LRTM3: variants seen among roughly 807,000 people sequenced by gnomAD.
The protein encoded by LRTM3 is leucine-rich repeat transmembrane protein 3.
chr13:102,734,835 C>T, the LRTM3 span: 1 of 1,551,088 alleles, frequency 6.4e-7, no homozygotes, highest in Non-Finnish European at 8.7e-7. Context: ...ACCTTCTCTT[C>T]CTGATGTTTG....
At chr13:102,737,899 A>G in the LRTM3 span, 1 of 1,550,518 alleles carries the variant, frequency 6.4e-7, no homozygotes, top group East Asian at 2.5e-5. Flanking sequence ...ATAGGAACAG[A>G]ACTCTTTCCT....
chr13:102,743,104 G>A, the LRTM3 span: 1 of 1,550,278 alleles, frequency 6.5e-7, no homozygotes, highest in Non-Finnish European at 8.7e-7. Context: ...TGTTTGCCAT[G>A]AAGTTTTCTG....
chr13:102,739,442 C>A, the LRTM3 span: 2 of 1,550,272 alleles, frequency 1.3e-6, no homozygotes, highest in South Asian at 2.4e-5. Flanking sequence ...TGGAAGGCAG[C>A]CCTTTAGAGT....
chr13:102,734,391 G>A, the LRTM3 span: 2 of 1,551,308 alleles, frequency 1.3e-6, no homozygotes, highest in Admixed American at 2.0e-5. Context: ...AGGTTAGATG[G>A]CAAAGGTTTG....
At chr13:102,745,885 T>C in the LRTM3 span, 23 of 1,551,032 alleles carry the variant, frequency 1.5e-5, no homozygotes, top group Non-Finnish European at 1.9e-5. Context: ...GTGTAAAATG[T>C]GTTTGTGGTT....
chr13:102,739,549 T>C, the LRTM3 span: 1 of 1,550,114 alleles, frequency 6.5e-7, no homozygotes, highest in Non-Finnish European at 8.7e-7. Context: ...TCATACTTGA[T>C]TTACCTTTAC....
the LRTM3 span, chr13:102,749,639 C>T: frequency 6.4e-7 from 1 of 1,551,394 alleles, no homozygotes; most frequent in Non-Finnish European, 8.7e-7. Flanking sequence ...TTGTGTGCTG[C>T]TAGAAAATGG....
the LRTM3 span, chr13:102,738,449 A>G: frequency 6.4e-7 from 1 of 1,550,862 alleles, no homozygotes; most frequent in South Asian, 1.2e-5. Context: ...ATTTGTCAGA[A>G]GCACACTTGG....
the LRTM3 span, chr13:102,730,946 G>T: frequency 1.9e-6 from 3 of 1,551,214 alleles, no homozygotes; most frequent in African/African-American, 2.7e-5. Flanking sequence ...GTTAGATAAG[G>T]GTTTCTTTCT....
the LRTM3 span, chr13:102,747,745 CT>C: frequency 5.2e-6 from 8 of 1,550,908 alleles, no homozygotes; most frequent in Non-Finnish European, 7.0e-6. Flanking sequence ...TTTGCTTCAC[CT>C]TCTCAACTTG....
the LRTM3 span, chr13:102,743,900 A>G: frequency 1.3e-6 from 2 of 1,550,714 alleles, no homozygotes; most frequent in African/African-American, 1.4e-5. Context: ...GAAGAAATCT[A>G]AAAGACCCAA....
At chr13:102,735,322 T>C in the LRTM3 span, 253 of 1,551,338 alleles carry the variant, frequency 1.6e-4, 1 homozygote, top group African/African-American at 3.1e-3. Flanking sequence ...CACTTGAAAG[T>C]TCTCCATGGG....
chr13:102,733,202 A>T, the LRTM3 span: 5 of 1,551,288 alleles, frequency 3.2e-6, no homozygotes, highest in South Asian at 4.8e-5. Context: ...TTGCTTTTTC[A>T]TGACAATATC....
At chr13:102,750,000 G>A in the LRTM3 span, 2 of 1,550,132 alleles carry the variant, frequency 1.3e-6, no homozygotes, top group Non-Finnish European at 1.7e-6. Flanking sequence ...AGAGGGCAAG[G>A]TGCCACATCT....
chr13:102,754,357 T>C, the LRTM3 span, among the ~76,000 whole-genome samples: 6 of 152,134 alleles, frequency 3.9e-5, no homozygotes, highest in Admixed American at 1.3e-4. Context: ...ACATATAATT[T>C]ATTTATTATG....
chr13:102,757,405 T>C, the LRTM3 span, among the ~76,000 whole-genome samples: 1 of 152,088 alleles, frequency 6.6e-6, no homozygotes, highest in Non-Finnish European at 1.5e-5. Flanking sequence ...ACTGCCACTC[T>C]TATGTGTAAC....
At chr13:102,741,260 C>G in the LRTM3 span, 2 of 1,550,250 alleles carry the variant, frequency 1.3e-6, no homozygotes, top group Middle Eastern at 1.7e-4. Context: ...TTCATTGAAA[C>G]TTTCAGAGAT....
chr13:102,741,955 A>G, the LRTM3 span: 1 of 1,550,484 alleles, frequency 6.4e-7, no homozygotes, highest in South Asian at 1.2e-5. Flanking sequence ...TTTCTCTAAT[A>G]TCTTGTTCCT....
the LRTM3 span, among the ~76,000 whole-genome samples, chr13:102,750,689 A>G: frequency 6.6e-6 from 1 of 152,192 alleles, no homozygotes; most frequent in African/African-American, 2.4e-5. Context: ...ATATTATTTT[A>G]CAAGGAATAT....
Sources: allele counts gnomAD v4.1 joint callset (sites outside exome capture counted in the v4.1 genomes callset), GRCh38; gene constraint gnomAD v4.1.1; transcripts MANE v1.5; gene names NCBI Gene and HGNC (gene_info 2026-07-23, HGNC 2026-07-21).